The following ATRNL1 variants were observed in gnomAD, a reference collection of about 807,000 sequenced individuals.
ATRNL1 encodes the protein attractin-like protein 1.
A neutral mutation model predicts 182.7 loss-of-function variants in ATRNL1; 95 were observed. The observed-to-expected ratio is 0.52, with a 90% CI of 0.44 to 0.62. The LOEUF is 0.62. Ranked by LOEUF, ATRNL1 falls within the 20% of genes least tolerant of loss-of-function variation. ATRNL1 has a pLI of 0.00. For missense variants in ATRNL1, 1,471 were observed against 1,679.5 expected (o/e 0.88, Z 2.17); for synonymous variants, 576 against 568.3 (o/e 1.01, Z -0.19).
chr10:115,676,967 A>T (rs367655932), intron 26 of ATRNL1, among the ~76,000 whole-genome samples: 1 of 152,150 alleles, frequency 6.6e-6, no homozygotes, highest in Non-Finnish European at 1.5e-5. Context: ...ACAAATGCTT[A>T]AATTTCCTGA....
At chr10:115,685,327 A>T (rs1555046006) in intron 26 of ATRNL1, among the ~76,000 whole-genome samples, 1 of 151,722 alleles carries the variant, frequency 6.6e-6, no homozygotes, top group Non-Finnish European at 1.5e-5. Flanking sequence ...TACTTGTATG[A>T]CTTAGGACAA....
At chr10:115,280,594 C>G (rs1309985227) in intron 13 of ATRNL1, among the ~76,000 whole-genome samples, 1 of 152,058 alleles carries the variant, frequency 6.6e-6, no homozygotes, top group Admixed American at 6.5e-5. Context: ...AAATGTGGAT[C>G]CAAGGCTCAG....
intron 9 of ATRNL1, among the ~76,000 whole-genome samples, chr10:115,228,502 A>G (rs1849789933): frequency 6.6e-6 from 1 of 152,268 alleles, no homozygotes; most frequent in South Asian, 2.1e-4. Context: ...ACAACTTATA[A>G]TGGGAGCTTA....
At chr10:115,884,478 T>C (rs1951896855) in intron 28 of ATRNL1, among the ~76,000 whole-genome samples, 2 of 152,190 alleles carry the variant, frequency 1.3e-5, no homozygotes, top group Admixed American at 1.3e-4. Context: ...GGCCGCTTCT[T>C]CCTAATTATG....
intron 20 of ATRNL1, among the ~76,000 whole-genome samples, chr10:115,403,664 C>T (rs1236560381): frequency 1.3e-5 from 2 of 152,148 alleles, no homozygotes; most frequent in Non-Finnish European, 2.9e-5. Flanking sequence ...GTTGGCCAAG[C>T]TGGTCTCAAA....
At chr10:115,108,572 C>T (rs1403933342) in intron 1 of ATRNL1, among the ~76,000 whole-genome samples, 1 of 152,136 alleles carries the variant, frequency 6.6e-6, no homozygotes, top group Non-Finnish European at 1.5e-5. Flanking sequence ...AGGCTGGTTG[C>T]CCCACCATAA....
intron 26 of ATRNL1, among the ~76,000 whole-genome samples, chr10:115,666,405 T>TA (rs1220265741): frequency 6.6e-6 from 1 of 152,172 alleles, no homozygotes; most frequent in Admixed American, 6.5e-5. Context: ...TAACACCCAT[T>TA]ACCGTAGTTT....
intron 10 of ATRNL1, among the ~76,000 whole-genome samples, chr10:115,263,254 G>A (rs1270825192): frequency 6.6e-6 from 1 of 151,796 alleles, no homozygotes; most frequent in Non-Finnish European, 1.5e-5. Flanking sequence ...ATGAAAAGAT[G>A]CTCAACATCA....
intron 1 of ATRNL1, among the ~76,000 whole-genome samples, chr10:115,110,214 A>T (rs1463031929): frequency 6.6e-6 from 1 of 152,150 alleles, no homozygotes; most frequent in Non-Finnish European, 1.5e-5. Context: ...TGTCATGATT[A>T]TGTTATGTCA....
At chr10:115,550,177 G>A (rs1480812483) in intron 26 of ATRNL1, among the ~76,000 whole-genome samples, 2 of 151,680 alleles carry the variant, frequency 1.3e-5, no homozygotes, top group South Asian at 4.1e-4. Context: ...ATCATCTGAG[G>A]AGCAAAAGTA....
chr10:115,543,217 A>G (rs1256710032), intron 25 of ATRNL1, among the ~76,000 whole-genome samples: 1 of 152,184 alleles, frequency 6.6e-6, no homozygotes, highest in Non-Finnish European at 1.5e-5. Context: ...AAGTTTGACC[A>G]ATTTATTCTA....
intron 28 of ATRNL1, among the ~76,000 whole-genome samples, chr10:115,934,131 G>A (rs1215850321): frequency 1.3e-5 from 2 of 152,158 alleles, no homozygotes; most frequent in Non-Finnish European, 2.9e-5. Context: ...GAAGATGACA[G>A]AAGTGTCATC....
intron 27 of ATRNL1, among the ~76,000 whole-genome samples, chr10:115,798,665 G>A (rs372222635): frequency 1.3e-5 from 2 of 152,102 alleles, no homozygotes; most frequent in East Asian, 1.9e-4. Flanking sequence ...CTCAGAACTT[G>A]AGGGCTAACT....
intron 19 of ATRNL1, among the ~76,000 whole-genome samples, chr10:115,375,112 C>G (rs1339228409): frequency 6.6e-6 from 1 of 151,276 alleles, no homozygotes; most frequent in Non-Finnish European, 1.5e-5. Flanking sequence ...TGTAGTCTAT[C>G]TGTCTTTTCA....
chr10:115,824,344 A>G (rs1043547329), intron 27 of ATRNL1, among the ~76,000 whole-genome samples: 3 of 152,162 alleles, frequency 2.0e-5, no homozygotes, highest in Non-Finnish European at 2.9e-5. Flanking sequence ...AACCTAGGCA[A>G]TACCATTCAG....
intron 26 of ATRNL1, among the ~76,000 whole-genome samples, chr10:115,600,199 C>T (rs1042061320): frequency 4.7e-5 from 7 of 148,486 alleles, no homozygotes; most frequent in Admixed American, 7.0e-5. Context: ...AGTTCTATTC[C>T]AAAACTGTTA....
intron 27 of ATRNL1, among the ~76,000 whole-genome samples, chr10:115,795,220 A>G (rs1478200958): frequency 6.6e-6 from 1 of 152,158 alleles, no homozygotes; most frequent in Non-Finnish European, 1.5e-5. Flanking sequence ...TGGAAAACAT[A>G]GCTATGTATA....
At chr10:115,352,521 T>G (rs1856306964) in intron 19 of ATRNL1, among the ~76,000 whole-genome samples, 1 of 152,200 alleles carries the variant, frequency 6.6e-6, no homozygotes, top group Non-Finnish European at 1.5e-5. Context: ...CTTAATTTCT[T>G]AATTGAAATT....
At chr10:115,414,778 T>C (rs1845309564) in intron 20 of ATRNL1, among the ~76,000 whole-genome samples, 1 of 151,982 alleles carries the variant, frequency 6.6e-6, no homozygotes, top group Non-Finnish European at 1.5e-5. Context: ...TATTATTAGA[T>C]GTATTTTAGA....
Sources: allele counts gnomAD v4.1 joint callset (sites outside exome capture counted in the v4.1 genomes callset), GRCh38; gene constraint gnomAD v4.1.1; transcripts MANE v1.5; gene names NCBI Gene and HGNC (gene_info 2026-07-23, HGNC 2026-07-21).